ZBTB10: variants seen among roughly 807,000 people sequenced by gnomAD.
The protein encoded by ZBTB10 is zinc finger and BTB domain containing 10.
Under a neutral mutation model 76.4 loss-of-function variants are expected in ZBTB10, and 32 were observed. That is an observed-to-expected ratio of 0.42 (90% CI 0.32 to 0.56). ZBTB10 has a LOEUF of 0.56. ZBTB10 is among the 20% of genes least tolerant of loss of function. ZBTB10 has a pLI of 0.14. For synonymous variants in ZBTB10, 523 were observed against 432.9 expected (o/e 1.21, Z -2.58); for missense variants, 1,057 against 1,098.5 (o/e 0.96, Z 0.53).
Position 80,486,948 on chromosome 8 carries a change from G to A in ZBTB10, c.138G>A (p.Gln46=). ...GGCCTCCGCAGCCCCAGCCGAGACA[G>A]CCCCCGCCGCCAGCGCCGCCCGCGC... ...SAWPPQPQPR[Q]PPPPAPPALQ... is the part of the protein sequence containing the mutation. The change falls in exon 1 of 6, where the codon CAG becomes CAA. Residue 46 remains glutamine, a synonymous_variant. Transcript: ENST00000455036. 7.9e-6 allele frequency: 12 copies of A among 1,513,116 alleles called. No individual in the cohort carries two copies. The highest frequency in any genetic ancestry group is 1.1e-5 in the Non-Finnish European group (12 of 1,135,406). The allele number at this position is 1,513,116 out of a possible 1,614,324, so 93.7% of individuals were successfully genotyped here.
intron 1 of ZBTB10, among the ~76,000 whole-genome samples, chr8:80,495,694 A>G (rs551251671): frequency 5.7e-4 from 86 of 152,208 alleles, no homozygotes; most frequent in Non-Finnish European, 1.1e-3. Flanking sequence ...TTAAATAAAT[A>G]TGTAAAGTTA....
chr8:80,498,539 A>G (rs1188663925), intron 1 of ZBTB10, among the ~76,000 whole-genome samples: 2 of 152,186 alleles, frequency 1.3e-5, no homozygotes, highest in Non-Finnish European at 2.9e-5. Context: ...AGGGATATTC[A>G]GCTCTGCCTT....
Position 80,488,047 on chromosome 8 carries a change from A to G in ZBTB10, c.972+265A>G, listed in dbSNP as rs528164247. ...CGCTGGATTTTCTTTTTTATGACTC[A>G]TTTCTTATCAGATTGAATCAAAAAG... is the stretch of plus-strand genomic sequence containing the variant. On this transcript the variant is annotated intron_variant, in intron 1 of 5. Transcript: ENST00000455036. 2.6e-4 allele frequency among the ~76,000 whole-genome samples: 14 copies of G among 54,610 alleles called. No homozygotes were observed. In the South Asian group the frequency reaches 3.2e-3, roughly 13 times the overall value. The allele number at this position is 54,610 out of a possible 152,430, so 35.8% of individuals were successfully genotyped here. A position where few individuals can be genotyped will look rare whatever the true frequency, so the allele number is the denominator to read the frequency against.
upstream of ZBTB10, chr8:80,486,096 C>T: frequency 1.6e-6 from 1 of 625,594 alleles, no homozygotes; most frequent in Non-Finnish European, 2.4e-6. Context: ...CTTTCCCGGT[C>T]CCCTGGCGCC....
At chr8:80,507,745 G>A (rs1203981243) in intron 2 of ZBTB10, among the ~76,000 whole-genome samples, 1 of 151,980 alleles carries the variant, frequency 6.6e-6, no homozygotes, top group East Asian at 1.9e-4. Flanking sequence ...ACAGGCATGG[G>A]CCACCACTCT....
intron 2 of ZBTB10, among the ~76,000 whole-genome samples, chr8:80,503,307 C>T (rs1052720504): frequency 9.2e-5 from 14 of 151,994 alleles, no homozygotes; most frequent in Non-Finnish European, 1.3e-4. Flanking sequence ...ATCAGTTTTC[C>T]GGTGCTGTGT....
chr8:80,513,465 C>T (rs1163186983), intron 2 of ZBTB10, among the ~76,000 whole-genome samples: 2 of 152,152 alleles, frequency 1.3e-5, no homozygotes, highest in African/African-American at 4.8e-5. Context: ...TTTAATTGGT[C>T]TCCACTTCTG....
chr8:80,496,870 A>G (rs1252762898), intron 1 of ZBTB10, among the ~76,000 whole-genome samples: 1 of 152,232 alleles, frequency 6.6e-6, no homozygotes. Context: ...TCTTCCAAAT[A>G]TTCATACAAT....
intron 2 of ZBTB10, among the ~76,000 whole-genome samples, chr8:80,509,935 G>A (rs1024630190): frequency 1.3e-5 from 2 of 152,054 alleles, no homozygotes; most frequent in East Asian, 1.9e-4. Flanking sequence ...ACAGACATGA[G>A]CCATTGTACC....
chr8:80,504,905 A>C (rs953294975), intron 2 of ZBTB10, among the ~76,000 whole-genome samples: 1 of 152,192 alleles, frequency 6.6e-6, no homozygotes, highest in African/African-American at 2.4e-5. Flanking sequence ...GTGTATTCAC[A>C]CATGTTGTGT....
chr8:80,491,917 A>T (rs979917510), intron 1 of ZBTB10, among the ~76,000 whole-genome samples: 1 of 152,242 alleles, frequency 6.6e-6, no homozygotes, highest in Non-Finnish European at 1.5e-5. Context: ...AAACTAAGTA[A>T]TGAATTCAGA....
Position 80,519,642 on chromosome 8 carries a change from T to G in ZBTB10, c.*114T>G. On this transcript the variant is annotated 3_prime_UTR_variant, in exon 6 of 6. Transcript: ENST00000455036. ...TGGTACATGCTGGATAGTAGTTATG[T>G]TGCTGTGAAAACTGTAGGGTCAAAG... 1 of 1,245,292 alleles carries G rather than the reference T, an allele frequency of 8.0e-7. No homozygotes were observed. The allele number at this position is 1,245,292 out of a possible 1,614,324, so 77.1% of individuals were successfully genotyped here.
intron 2 of ZBTB10, among the ~76,000 whole-genome samples, chr8:80,506,794 A>G (rs1247767165): frequency 6.6e-6 from 1 of 152,164 alleles, no homozygotes; most frequent in African/African-American, 2.4e-5. Flanking sequence ...CACGTAACAG[A>G]TTTATGGATC....
chr8:80,501,670 GTA>G (rs1815926684), intron 2 of ZBTB10, among the ~76,000 whole-genome samples: 1 of 151,996 alleles, frequency 6.6e-6, no homozygotes, highest in African/African-American at 2.4e-5. Context: ...GGAATTTTGT[GTA>G]TGTATGTGTG....
Position 80,523,820 on chromosome 8 carries a change from G to A in ZBTB10, c.*4292G>A, listed in dbSNP as rs1413541430. 1 of 151,980 alleles carries A rather than the reference G, an allele frequency of 6.6e-6. No homozygotes were observed. The highest frequency in any genetic ancestry group is 1.5e-5 in the Non-Finnish European group (1 of 67,884). The allele number at this position is 151,980 out of a possible 1,614,324, so 9.4% of individuals were successfully genotyped here. A position where few individuals can be genotyped will look rare whatever the true frequency, so the allele number is the denominator to read the frequency against. On this transcript the variant is annotated 3_prime_UTR_variant, in exon 6 of 6. Coordinates refer to ENST00000455036, the MANE Select transcript of ZBTB10 (RefSeq NM_001105539.3). ...GAGAGATGGTTGAGGCCATTATTTA[G>A]TGGGAGCATTGGCATTTTGAACACT... is the stretch of plus-strand genomic sequence containing the variant.
In ZBTB10 at chr8:80,487,065, C is replaced by T. The variant is rs760193733; in HGVS notation, c.255C>T (p.Ala85=). 4.8e-5 allele frequency: 73 copies of T among 1,515,716 alleles called. No individual in the cohort carries two copies. The South Asian group carries it at 6.6e-4, about 14-fold the overall frequency. 93.9% of individuals were successfully genotyped at this position (1,515,716 alleles called of 1,614,324 possible). ...TGGAGGCCTCCGCCGGGCCGGCCGC[C>T]GGCGCCGCCGAGGAAGCCAAGGAGT... ...QDLEASAGPA[A]GAAEEAKELL... is the part of the protein sequence containing the mutation. Residue 85 remains alanine (A), a synonymous_variant, in exon 1 of 6, where the codon GCC becomes GCT. Transcript: ENST00000455036.
chr8:80,497,256 A>G (rs1461352092), intron 1 of ZBTB10, among the ~76,000 whole-genome samples: 3 of 152,116 alleles, frequency 2.0e-5, no homozygotes, highest in South Asian at 2.1e-4. Context: ...CAGTAATCCA[A>G]TACAACATAC....
At chr8:80,504,382 G>A (rs1234299683) in intron 2 of ZBTB10, among the ~76,000 whole-genome samples, 1 of 152,194 alleles carries the variant, frequency 6.6e-6, no homozygotes, top group African/African-American at 2.4e-5. Context: ...TCAGCACAGA[G>A]TTTGTAAGAT....
Position 80,486,870 on chromosome 8 carries a change from C to A in ZBTB10, c.60C>A (p.Thr20=), listed in dbSNP as rs1585831812. The A allele has an allele frequency of 6.6e-7, 1 of 1,513,436 alleles. No homozygotes were observed. Among genetic ancestry groups the A allele is most frequent in the Non-Finnish European group, 8.8e-7 (1 of 1,132,894 alleles). The allele number at this position is 1,513,436 out of a possible 1,614,324, so 93.8% of individuals were successfully genotyped here. The change falls in exon 1 of 6, where the codon ACC becomes ACA. Residue 20 remains threonine (T), a synonymous_variant. Coordinates refer to ENST00000455036, the MANE Select transcript of ZBTB10 (RefSeq NM_001105539.3). ...CGTTCCGAGGAGGCGGGTTGGTCAC[C>A]GCTAGCGGCGGCGGCTCCACGAACA... ...TLAFRGGGLV[T]ASGGGSTNNN...
Sources: gnomAD v4.1 joint callset for allele counts (sites outside exome capture counted in the v4.1 genomes callset) on GRCh38, gnomAD v4.1.1 for gene constraint, MANE v1.5 for transcripts, NCBI Gene and HGNC (gene_info 2026-07-23, HGNC 2026-07-21) for gene names.